COP1: variants seen among roughly 807,000 people sequenced by gnomAD.
COP1 encodes the protein E3 ubiquitin-protein ligase COP1.
A neutral mutation model predicts 101.3 loss-of-function variants in COP1; 24 were observed. The observed-to-expected ratio is 0.24, with a 90% CI of 0.17 to 0.33. The LOEUF (loss-of-function observed/expected upper bound fraction) is 0.33. COP1 is among the 10% of genes least tolerant of loss of function. COP1 has a pLI of 1.00. For missense variants in COP1, 663 were observed against 906.2 expected (o/e 0.73, Z 3.45); for synonymous variants, 347 against 341.9 (o/e 1.01, Z -0.17).
intron 15 of COP1, among the ~76,000 whole-genome samples, chr1:175,996,115 T>C (rs1262785048): frequency 6.6e-6 from 1 of 152,002 alleles, no homozygotes; most frequent in Non-Finnish European, 1.5e-5. Context: ...ATAAATGTAA[T>C]CCAGCATATA....
chr1:176,110,106 G>A (rs773665786), intron 9 of COP1, among the ~76,000 whole-genome samples: 13 of 151,816 alleles, frequency 8.6e-5, no homozygotes, highest in Non-Finnish European at 1.9e-4. Flanking sequence ...TGTTTATTTG[G>A]GGCTCTAATT....
chr1:176,104,487 T>C (rs1228144875), intron 9 of COP1, among the ~76,000 whole-genome samples: 2 of 152,160 alleles, frequency 1.3e-5, no homozygotes, highest in African/African-American at 4.8e-5. Flanking sequence ...AAAGGGTCTG[T>C]CAGCTAAAGA....
At position 175,967,282 on chromosome 1, in the gene COP1, GA is replaced by G. The variant is rs1558169756; in HGVS notation, c.2133+19660del. Among the ~76,000 whole-genome samples, 19 of 152,266 alleles carry G rather than the reference GA, an allele frequency of 1.2e-4. No individual in the cohort carries two copies. The South Asian group carries it at 3.9e-3, about 32-fold the overall frequency. On this transcript the variant is annotated intron_variant, in intron 18 of 19. Transcript: ENST00000367669. ...CCGCCTCAGCCTCCCAAAGTGATGG[GA>G]CTACTGGCGTGAGCCACCGCGCCGT...
At chr1:175,964,164 C>G (rs532075698) in intron 18 of COP1, among the ~76,000 whole-genome samples, 2 of 152,260 alleles carry the variant, frequency 1.3e-5, no homozygotes, top group African/African-American at 4.8e-5. Flanking sequence ...CAAAGTCTTA[C>G]AGCTAATACT....
At chr1:176,083,960 T>C (rs1308075659) in intron 10 of COP1, among the ~76,000 whole-genome samples, 1 of 152,224 alleles carries the variant, frequency 6.6e-6, no homozygotes, top group Non-Finnish European at 1.5e-5. Flanking sequence ...TTTTAATTTA[T>C]TATTCTACTG....
At chr1:176,046,618 T>C (rs1485510104) in intron 11 of COP1, among the ~76,000 whole-genome samples, 1 of 152,134 alleles carries the variant, frequency 6.6e-6, no homozygotes, top group African/African-American at 2.4e-5. Flanking sequence ...TACAGCTTAC[T>C]GAGAAAGATT....
At chr1:175,950,964 T>C (rs1468623136) in intron 18 of COP1, among the ~76,000 whole-genome samples, 1 of 152,152 alleles carries the variant, frequency 6.6e-6, no homozygotes, top group African/African-American at 2.4e-5. Flanking sequence ...ATTAAAAATC[T>C]GGATGGCGCT....
At chr1:176,042,730 CAA>C (rs35637870) in intron 14 of COP1, among the ~76,000 whole-genome samples, 109 of 49,664 alleles carry the variant, frequency 2.2e-3, no homozygotes, top group Middle Eastern at 0.012. Flanking sequence ...AACTCTATCT[CAA>C]AAAAAAAAAA....
chr1:176,098,605 T>C (rs1378887929), intron 9 of COP1, among the ~76,000 whole-genome samples: 3 of 152,218 alleles, frequency 2.0e-5, no homozygotes, highest in Non-Finnish European at 4.4e-5. Flanking sequence ...TTCTGTAAAC[T>C]AAGCATTGAA....
At chr1:176,048,193 T>C (rs939851634) in intron 11 of COP1, among the ~76,000 whole-genome samples, 3 of 85,556 alleles carry the variant, frequency 3.5e-5, no homozygotes, top group East Asian at 8.0e-4. Flanking sequence ...AGAATTAAAA[T>C]TCTTTTTTTT....
At chr1:176,197,743 C>T (rs1369226240) in intron 1 of COP1, among the ~76,000 whole-genome samples, 3 of 152,134 alleles carry the variant, frequency 2.0e-5, no homozygotes, top group Non-Finnish European at 2.9e-5. Context: ...TATTCATATA[C>T]AGATAACATG....
chr1:175,965,828 C>G (rs535988957), intron 18 of COP1, among the ~76,000 whole-genome samples: 1 of 152,088 alleles, frequency 6.6e-6, no homozygotes, highest in Admixed American at 6.5e-5. Flanking sequence ...GTGACCCACC[C>G]GCCTCAGCCT....
At chr1:176,129,443 T>C (rs1688559900) in intron 8 of COP1, among the ~76,000 whole-genome samples, 1 of 151,890 alleles carries the variant, frequency 6.6e-6, no homozygotes, top group South Asian at 2.1e-4. Context: ...TGACAATTTT[T>C]TAAAAAAAAT....
At chr1:176,038,851 C>T (rs1353517393) in intron 14 of COP1, among the ~76,000 whole-genome samples, 1 of 150,526 alleles carries the variant, frequency 6.6e-6, no homozygotes. Context: ...AAGATAGATA[C>T]ACAGATCAAT....
chr1:175,987,965 T>C (rs571570563), intron 17 of COP1, among the ~76,000 whole-genome samples: 1 of 152,316 alleles, frequency 6.6e-6, no homozygotes, highest in South Asian at 2.1e-4. Flanking sequence ...ATTGGAAATA[T>C]TACTAACAGA....
intron 9 of COP1, among the ~76,000 whole-genome samples, chr1:176,111,276 TATTTA>T (rs1368978871): frequency 2.0e-5 from 3 of 152,094 alleles, no homozygotes; most frequent in East Asian, 1.9e-4. Flanking sequence ...GCTACCTAAT[TATTTA>T]ATTTATTTTT....
intron 11 of COP1, among the ~76,000 whole-genome samples, chr1:176,075,867 G>T (rs1426385106): frequency 6.6e-6 from 1 of 152,014 alleles, no homozygotes; most frequent in Non-Finnish European, 1.5e-5. Flanking sequence ...GCCAGGCATG[G>T]TGGTGGGCAC....
intron 6 of COP1, among the ~76,000 whole-genome samples, chr1:176,147,434 CAA>C (rs1220439724): frequency 1.3e-5 from 2 of 152,128 alleles, no homozygotes; most frequent in Non-Finnish European, 2.9e-5. Context: ...CTAAAATACT[CAA>C]AGTCAATCAC....
intron 1 of COP1, among the ~76,000 whole-genome samples, chr1:176,198,490 T>C (rs944577637): frequency 6.6e-5 from 10 of 152,162 alleles, no homozygotes; most frequent in Admixed American, 1.3e-4. Context: ...ATAAGAAAAC[T>C]ATAAATCTTC....
Sources: gnomAD v4.1 joint callset for allele counts (sites outside exome capture counted in the v4.1 genomes callset) on GRCh38, gnomAD v4.1.1 for gene constraint, MANE v1.5 for transcripts, NCBI Gene and HGNC (gene_info 2026-07-23, HGNC 2026-07-21) for gene names.